LRRC4B: variants seen among roughly 807,000 people sequenced by gnomAD.
The protein encoded by LRRC4B is leucine rich repeat containing 4B.
In LRRC4B, 1 loss-of-function variant was observed where a neutral mutation model predicts 7.3. That is an observed-to-expected ratio of 0.14 (90% CI 0.05 to 0.65). The LOEUF (loss-of-function observed/expected upper bound fraction) is 0.65, where lower values mean the gene tolerates loss of function less well. LRRC4B is among the 30% of genes least tolerant of loss of function. LRRC4B has a pLI of 0.84. For missense variants in LRRC4B, 730 were observed against 1,041.6 expected (o/e 0.70, Z 4.12); for synonymous variants, 500 against 499.2 (o/e 1.00, Z -0.02).
intron 2 of LRRC4B, among the ~76,000 whole-genome samples, chr19:50,540,346 T>C (rs1184476188): frequency 1.3e-5 from 2 of 152,048 alleles, no homozygotes; most frequent in African/African-American, 4.8e-5. Flanking sequence ...GGCATTACAT[T>C]CTCTTTTATT....
At chr19:50,528,034 C>A (rs1263687440) in intron 2 of LRRC4B, among the ~76,000 whole-genome samples, 1 of 151,708 alleles carries the variant, frequency 6.6e-6, no homozygotes, top group African/African-American at 2.4e-5. Context: ...AGCCACCGTG[C>A]CTGGCCCTCT....
chr19:50,535,075 A>G lies in LRRC4B; in HGVS notation c.297+13467T>C, dbSNP rs113053524. On this transcript the variant is annotated intron_variant, in intron 2 of 2. Transcript: ENST00000652263. ...AGTAGAGACAGGGTTTCACTGTGTT[A>G]GCCAGGATGGTCTCGATCTCCTGAC... is the stretch of plus-strand genomic sequence containing the variant. Among the ~76,000 whole-genome samples, 764 of 152,010 alleles carry G rather than the reference A, an allele frequency of 5.0e-3. 11 individuals carry two copies. Among genetic ancestry groups the G allele is most frequent in the Non-Finnish European group, 7.8e-3 (533 of 67,980 alleles).
Position 50,555,614 on chromosome 19 carries a change from G to T in LRRC4B, c.-35-6741C>A, listed in dbSNP as rs371006182. 9 of 152,316 alleles carry T rather than the reference G, an allele frequency of 5.9e-5. No individual in the cohort carries two copies. The highest frequency in any genetic ancestry group is 2.2e-4 in the African/African-American group (9 of 41,440). 9.4% of individuals were successfully genotyped at this position (152,316 alleles called of 1,614,324 possible). Reference sequence around the variant, plus strand: ...CGAGGCGTGAAGCTGAGTCCTCACCGGCTTCGCCATCCTCCCCAGCCCCAG... The same window carrying T: ...CGAGGCGTGAAGCTGAGTCCTCACCTGCTTCGCCATCCTCCCCAGCCCCAG... On this transcript the variant is annotated intron_variant, in intron 1 of 2. Coordinates refer to ENST00000652263, the MANE Select transcript of LRRC4B (RefSeq NM_001080457.2). This position sits in a 1 kb window ranked among gnomAD's most constrained non-coding sequence, Gnocchi z 5.2.
At chr19:50,545,279 T>C (rs1307609406) in intron 2 of LRRC4B, among the ~76,000 whole-genome samples, 5 of 150,978 alleles carry the variant, frequency 3.3e-5, no homozygotes, top group Admixed American at 3.3e-4. Context: ...TGGTGGCACA[T>C]GCCTGTAATC....
In LRRC4B at chr19:50,553,031, T is replaced by C. The variant is rs1472895739; in HGVS notation, c.-35-4158A>G. Among the ~76,000 whole-genome samples the C allele has an allele frequency of 1.3e-5, 2 of 152,172 alleles. No individual in the cohort carries two copies. The highest frequency in any genetic ancestry group is 4.8e-5 in the African/African-American group (2 of 41,430). On this transcript the variant is annotated intron_variant, in intron 1 of 2. Transcript: ENST00000652263. This position sits in a 1 kb window ranked among gnomAD's most constrained non-coding sequence, Gnocchi z 4.2. The stretch of plus-strand genomic sequence containing the variant: ...CTGTGAAACAGGGATAATGGGAGTA[T>C]CTGCCTCCTAGGGCCACTGTGGGGA...
chr19:50,546,171 C>G (rs1044488243), intron 2 of LRRC4B, among the ~76,000 whole-genome samples: 2 of 151,924 alleles, frequency 1.3e-5, no homozygotes, highest in Admixed American at 6.6e-5. Context: ...CTCGTCTCTA[C>G]TAAAAATATA....
intron 2 of LRRC4B, among the ~76,000 whole-genome samples, chr19:50,529,223 C>G (rs776572301): frequency 1.3e-5 from 2 of 152,260 alleles, no homozygotes; most frequent in Non-Finnish European, 2.9e-5. Context: ...AGCCTGCACA[C>G]TCCCTCCCCG....
At chr19:50,551,477 C>T (rs1344224898) in intron 1 of LRRC4B, among the ~76,000 whole-genome samples, 7 of 145,890 alleles carry the variant, frequency 4.8e-5, no homozygotes, top group Admixed American at 4.7e-4. Context: ...TCTACCTCGA[C>T]TCTCCCCCGA....
At chr19:50,550,090 C>T (rs1431723638) in intron 1 of LRRC4B, among the ~76,000 whole-genome samples, 1 of 152,218 alleles carries the variant, frequency 6.6e-6, no homozygotes, top group East Asian at 1.9e-4. Context: ...ATGCAGCAAA[C>T]TGTATCCCGG....
In LRRC4B at chr19:50,537,528, G is replaced by A. The variant is rs146259242; in HGVS notation, c.297+11014C>T. Among the ~76,000 whole-genome samples the A allele has an allele frequency of 1.3e-3, 203 of 152,236 alleles. No homozygotes were observed. The highest frequency in any genetic ancestry group is 4.6e-3 in the African/African-American group (192 of 41,536). ...GCGGGTCTTGTGCCTCTCAGGACTC[G>A]CAGGCTGCTCAACAGAGATGTGGGA... On this transcript the variant is annotated intron_variant, in intron 2 of 2. Transcript: ENST00000652263. The surrounding 1 kb of genome is among the most constrained non-coding windows in gnomAD (Gnocchi z 5.5).
In LRRC4B at chr19:50,563,630, A is replaced by G. The variant is rs1982538603; in HGVS notation, c.-36+4314T>C. 6.6e-6 allele frequency among the ~76,000 whole-genome samples: 1 copy of G among 152,150 alleles called. No homozygotes were observed. The highest frequency in any genetic ancestry group is 1.9e-4 in the East Asian group (1 of 5,192). ...GGGCCAAATGTGCAGCCTGGTGTAC[A>G]GAGAAGCCCACCCCCTGCCTACGGG... On this transcript the variant is annotated intron_variant, in intron 1 of 2. Transcript: ENST00000652263. The surrounding 1 kb of genome is among the most constrained non-coding windows in gnomAD (Gnocchi z 4.9).
At position 50,537,591 on chromosome 19, in the gene LRRC4B, G is replaced by A. The variant is rs958577810; in HGVS notation, c.297+10951C>T. Reference sequence around the variant, plus strand: ...CCCAGCAGCCTGTCCCGAGGCTCAGGGGCCATGTGGCTTTGCAGGACGCCA... The same window carrying A: ...CCCAGCAGCCTGTCCCGAGGCTCAGAGGCCATGTGGCTTTGCAGGACGCCA... On this transcript the variant is annotated intron_variant, in intron 2 of 2. Coordinates refer to ENST00000652263, the MANE Select transcript of LRRC4B (RefSeq NM_001080457.2). The surrounding 1 kb of genome is among the most constrained non-coding windows in gnomAD (Gnocchi z 5.5). 2.0e-5 allele frequency among the ~76,000 whole-genome samples: 3 copies of A among 152,140 alleles called. No homozygotes were observed. Among genetic ancestry groups the A allele is most frequent in the Non-Finnish European group, 4.4e-5 (3 of 68,014 alleles).
chr19:50,541,618 T>C (rs908642865), intron 2 of LRRC4B, among the ~76,000 whole-genome samples: 1 of 152,136 alleles, frequency 6.6e-6, no homozygotes, highest in Admixed American at 6.6e-5. Flanking sequence ...TTAGGATGGA[T>C]TGGTTTGTTC....
chr19:50,525,526 C>T (rs544211623), intron 2 of LRRC4B, among the ~76,000 whole-genome samples: 20 of 151,808 alleles, frequency 1.3e-4, no homozygotes, highest in African/African-American at 4.3e-4. Flanking sequence ...CTGCCTCAGC[C>T]TCCCAAGTAG....
chr19:50,539,446 C>A (rs1981447889), intron 2 of LRRC4B, among the ~76,000 whole-genome samples: 1 of 152,216 alleles, frequency 6.6e-6, no homozygotes, highest in Non-Finnish European at 1.5e-5. Context: ...GCTCCCTGAC[C>A]CCCTGCTCCA....
At chr19:50,544,544 AAAAAT>A (rs1479382567) in intron 2 of LRRC4B, among the ~76,000 whole-genome samples, 5 of 151,770 alleles carry the variant, frequency 3.3e-5, no homozygotes, top group Non-Finnish European at 5.9e-5. Context: ...ATAAAAATAA[AAAAAT>A]AAAAAAGCTA....
In LRRC4B at chr19:50,549,810, C is replaced by T. The variant is rs112798827; in HGVS notation, c.-35-937G>A. On this transcript the variant is annotated intron_variant, in intron 1 of 2. Transcript: ENST00000652263. ...TGTGGGTGCTCCAGGCAGAGACAGC[C>T]CCGATGGGACTCATGCCAGCTGCTG... Among the ~76,000 whole-genome samples, 908 of 152,248 alleles carry T rather than the reference C, an allele frequency of 6.0e-3. 12 individuals are homozygous for T. Among genetic ancestry groups the T allele is most frequent in the African/African-American group, 0.02 (827 of 41,542 alleles).
At chr19:50,565,201 GCT>G (rs970091497) in intron 1 of LRRC4B, among the ~76,000 whole-genome samples, 30 of 152,322 alleles carry the variant, frequency 2.0e-4, no homozygotes, top group Non-Finnish European at 1.5e-4. Flanking sequence ...ACAGTGCACA[GCT>G]CTGTGACTGT....
intron 2 of LRRC4B, among the ~76,000 whole-genome samples, chr19:50,534,728 A>G (rs1981189536): frequency 6.6e-6 from 1 of 152,178 alleles, no homozygotes; most frequent in Admixed American, 6.5e-5. Flanking sequence ...GTAGGTAAAT[A>G]TTACTAAAGC....
Sources: gnomAD v4.1 joint callset for allele counts (sites outside exome capture counted in the v4.1 genomes callset) on GRCh38, gnomAD v4.1.1 for gene constraint, Gnocchi (gnomAD v3.1) non-coding constraint, MANE v1.5 for transcripts, NCBI Gene and HGNC (gene_info 2026-07-23, HGNC 2026-07-21) for gene names.